TGFB2: variants seen among roughly 807,000 people sequenced by gnomAD.
TGFB2 encodes the protein transforming growth factor beta 2.
TGFB2 carries 13 observed loss-of-function variants against 42.7 expected under a neutral mutation model. That is an observed-to-expected ratio of 0.30 (90% CI 0.20 to 0.48). The LOEUF (loss-of-function observed/expected upper bound fraction) is 0.48, where lower values mean the gene tolerates loss of function less well. Among genes scored for constraint, TGFB2 ranks in the 20% least tolerant of loss-of-function variants. The probability of loss-of-function intolerance (pLI) is 0.99; values close to 1 mark genes in which losing one functional copy is unlikely to be tolerated. For missense variants in TGFB2, 390 were observed against 517.5 expected, an observed-to-expected ratio of 0.75 and a Z score of 2.39; for synonymous variants, 193 against 193.6, an observed-to-expected ratio of 1.00 and a Z score of 0.03.
At chr1:218,400,594 A>G (rs1334687556) in intron 1 of TGFB2, among the ~76,000 whole-genome samples, 1 of 152,212 alleles carries the variant, frequency 6.6e-6, no homozygotes, top group African/African-American at 2.4e-5. Flanking sequence ...AGGGTGCATG[A>G]AAATCTCAGA....
At chr1:218,438,790 T>A (rs370201563) in intron 6 of TGFB2, among the ~76,000 whole-genome samples, 96 of 152,278 alleles carry the variant, frequency 6.3e-4, no homozygotes, top group African/African-American at 2.3e-3. Flanking sequence ...AGAAAGGACA[T>A]CTTATCCAAC....
chr1:218,360,783 A>G (rs1190140324), intron 1 of TGFB2, among the ~76,000 whole-genome samples: 3 of 152,220 alleles, frequency 2.0e-5, no homozygotes, highest in African/African-American at 7.2e-5. Flanking sequence ...CATATATCCA[A>G]AGCCTCACTG....
intron 2 of TGFB2, among the ~76,000 whole-genome samples, chr1:218,422,078 T>C (rs1659471276): frequency 6.6e-6 from 1 of 152,196 alleles, no homozygotes; most frequent in African/African-American, 2.4e-5. Flanking sequence ...AGTTCTAGGT[T>C]ACCCATACAC....
At chr1:218,416,011 G>A (rs1005925880) in intron 2 of TGFB2, among the ~76,000 whole-genome samples, 8 of 152,186 alleles carry the variant, frequency 5.3e-5, no homozygotes, top group Admixed American at 3.3e-4. Flanking sequence ...CTTGGATGTG[G>A]TCTGATCTGT....
chr1:218,424,629 G>A (rs1449478761), intron 2 of TGFB2, among the ~76,000 whole-genome samples: 2 of 152,204 alleles, frequency 1.3e-5, no homozygotes, highest in African/African-American at 4.8e-5. Context: ...GGGCTAGAAA[G>A]ACCAACCCTC....
chr1:218,437,904 T>G (rs1260837016), intron 6 of TGFB2, among the ~76,000 whole-genome samples: 1 of 152,214 alleles, frequency 6.6e-6, no homozygotes, highest in Admixed American at 6.5e-5. Flanking sequence ...TTTTGATACA[T>G]GTATACAATG....
chr1:218,408,046 T>C (rs1250222255), intron 2 of TGFB2, among the ~76,000 whole-genome samples: 1 of 152,212 alleles, frequency 6.6e-6, no homozygotes, highest in Non-Finnish European at 1.5e-5. Context: ...TAAATTTCCT[T>C]CTTTGCTGAC....
chr1:218,416,918 G>A (rs1659299698), intron 2 of TGFB2, among the ~76,000 whole-genome samples: 1 of 152,226 alleles, frequency 6.6e-6, no homozygotes, highest in African/African-American at 2.4e-5. Context: ...GCCACCATGT[G>A]AGATGTGCCT....
At chr1:218,348,599 C>T (rs976011880) in intron 1 of TGFB2, among the ~76,000 whole-genome samples, 2 of 152,168 alleles carry the variant, frequency 1.3e-5, no homozygotes, top group East Asian at 3.9e-4. Context: ...TCCGCAACAG[C>T]GGTGATAAAT....
At chr1:218,357,720 C>G (rs898888296) in intron 1 of TGFB2, among the ~76,000 whole-genome samples, 1 of 152,228 alleles carries the variant, frequency 6.6e-6, no homozygotes, top group Non-Finnish European at 1.5e-5. Flanking sequence ...ATTTCCATCC[C>G]TCCACAGGCA....
At chr1:218,354,703 C>A (rs991691457) in intron 1 of TGFB2, among the ~76,000 whole-genome samples, 1 of 152,178 alleles carries the variant, frequency 6.6e-6, no homozygotes, top group Non-Finnish European at 1.5e-5. Flanking sequence ...ACCTTTCTTG[C>A]CTTCTTGATA....
intron 2 of TGFB2, among the ~76,000 whole-genome samples, chr1:218,418,698 G>C (rs531423303): frequency 6.6e-6 from 1 of 152,104 alleles, no homozygotes; most frequent in East Asian, 1.9e-4. Flanking sequence ...CTAGTGGGAG[G>C]TAATTGAATC....
chr1:218,384,678 T>C (rs1558238096), intron 1 of TGFB2, among the ~76,000 whole-genome samples: 1 of 152,216 alleles, frequency 6.6e-6, no homozygotes, highest in Non-Finnish European at 1.5e-5. Context: ...TTCCAGGCAG[T>C]GGATTTAACA....
intron 6 of TGFB2, 65 bp from the exon 7 acceptor site, chr1:218,441,139 A>T: frequency 6.7e-7 from 1 of 1,496,126 alleles, no homozygotes; most frequent in Admixed American, 2.3e-5. Flanking sequence ...AATTCTTTTT[A>T]AAAACGAATT....
intron 2 of TGFB2, among the ~76,000 whole-genome samples, chr1:218,431,347 A>G (rs1312009828): frequency 6.6e-6 from 1 of 152,188 alleles, no homozygotes; most frequent in Admixed American, 6.5e-5. Context: ...ACTCTTTCCA[A>G]GTAAGATAAT....
At chr1:218,405,832 C>T (rs1157690956) in intron 2 of TGFB2, among the ~76,000 whole-genome samples, 1 of 152,092 alleles carries the variant, frequency 6.6e-6, no homozygotes, top group Non-Finnish European at 1.5e-5. Flanking sequence ...CCTAATCACT[C>T]AGGAGGGAAG....
chr1:218,352,291 G>A (rs751563055), intron 1 of TGFB2, among the ~76,000 whole-genome samples: 1 of 152,146 alleles, frequency 6.6e-6, no homozygotes, highest in Non-Finnish European at 1.5e-5. Context: ...AGATGTGCTT[G>A]CTCTATTTAG....
intron 2 of TGFB2, among the ~76,000 whole-genome samples, chr1:218,411,882 A>T (rs1391491907): frequency 6.6e-6 from 1 of 150,436 alleles, no homozygotes; most frequent in African/African-American, 2.5e-5. Context: ...AAAAAAAAAA[A>T]TAGCAGGCCC....
chr1:218,379,126 C>CTTTTTT lies in TGFB2; in HGVS notation c.347-26040_347-26039insTTTTTT, dbSNP rs748882381. ...AACACATGGTACATTTTCTTTCTTT[C>CTTTTTT]TTTCTTTTTTTTTTTTCTTTTTTAG... On this transcript the variant is annotated intron_variant, in intron 1 of 6. Coordinates refer to ENST00000366930, the MANE Select transcript of TGFB2 (RefSeq NM_003238.6). Among the ~76,000 whole-genome samples, 34 of 143,766 alleles carry CTTTTTT rather than the reference C, an allele frequency of 2.4e-4. 3 individuals carry two copies. Among genetic ancestry groups the CTTTTTT allele is most frequent in the Non-Finnish European group, 2.9e-4 (19 of 66,074 alleles). The allele number at this position is 143,766 out of a possible 152,430, so 94.3% of individuals were successfully genotyped here.
Sources: gnomAD v4.1 joint callset for allele counts (sites outside exome capture counted in the v4.1 genomes callset) on GRCh38, gnomAD v4.1.1 for gene constraint, MANE v1.5 for transcripts, NCBI Gene and HGNC (gene_info 2026-07-23, HGNC 2026-07-21) for gene names.